Variants in TSPAN19 observed in about 807,000 individuals in gnomAD.
TSPAN19 encodes tetraspanin 19.
TSPAN19 carries 44 observed loss-of-function variants against 35.1 expected under a neutral mutation model. The ratio of observed to expected loss-of-function variants is 1.25; its 90% CI spans 0.98 to 1.61. The LOEUF (loss-of-function observed/expected upper bound fraction) is 1.61. TSPAN19 is among the 40% of genes most tolerant of loss of function. TSPAN19 has a pLI of 0.00. For missense variants in TSPAN19, 290 were observed against 280.0 expected (o/e 1.04, Z -0.26); for synonymous variants, 79 against 92.0 (o/e 0.86, Z 0.81).
intron 6 of TSPAN19, among the ~76,000 whole-genome samples, chr12:85,019,092 C>T (rs753784722): frequency 2.0e-5 from 3 of 151,774 alleles, no homozygotes; most frequent in Non-Finnish European, 4.4e-5. Context: ...TGCATTTATG[C>T]CCTGGATCCA....
At chr12:85,032,731 C>T (rs1217283790) in intron 1 of TSPAN19, among the ~76,000 whole-genome samples, 1 of 151,834 alleles carries the variant, frequency 6.6e-6, no homozygotes, top group Non-Finnish European at 1.5e-5. Context: ...CAAAGATACA[C>T]AGTAAGTTAA....
Position 85,029,777 on chromosome 12 carries a change from T to A in TSPAN19, c.81A>T (p.Leu27Phe), listed in dbSNP as rs1253647141. The change falls in exon 3 of 9, where the codon TTA (leucine) becomes TTT (phenylalanine). Residue 27 changes from leucine (L) to phenylalanine (F), a missense_variant. Physicochemically the swap from Leu to Phe is conservative, Grantham distance 22. Transcript: ENST00000532498. ...AGAGCCATGCACCAAATCCCATGAATAAAAGTCCAAGAACCTAAAAAAAGA... is the reference window on the plus strand; with the variant it reads ...AGAGCCATGCACCAAATCCCATGAAAAAAAGTCCAAGAACCTAAAAAAAGA... ...INGAFLVLGL[L>F]FMGFGAWLLL... The A allele has an allele frequency of 1.3e-6, 2 of 1,544,748 alleles. No individual in the cohort carries two copies. Among genetic ancestry groups the A allele is most frequent in the Non-Finnish European group, 1.7e-6 (2 of 1,145,374 alleles).
At chr12:85,015,256 G>A (rs1876730031) in intron 8 of TSPAN19, 1 of 151,842 alleles carries the variant, frequency 6.6e-6, no homozygotes, top group Admixed American at 6.6e-5. Flanking sequence ...ATTCTTAATA[G>A]TCTTCACTGA....
intron 5 of TSPAN19, among the ~76,000 whole-genome samples, chr12:85,020,601 C>T (rs1019795108): frequency 4.6e-5 from 7 of 151,942 alleles, no homozygotes; most frequent in African/African-American, 1.7e-4. Context: ...GCCTTTCTCC[C>T]ATGAGGCAGG....
chr12:85,023,721 C>T (rs1467063200), intron 4 of TSPAN19, among the ~76,000 whole-genome samples: 12 of 152,096 alleles, frequency 7.9e-5, no homozygotes, highest in Admixed American at 7.9e-4. Flanking sequence ...ATCTTCACCT[C>T]ACATTATTTT....
In TSPAN19 at chr12:85,015,897, T is replaced by TA. The variant is rs1182748356; in HGVS notation, c.668dup (p.Leu223PhefsTer42). On this transcript the variant is annotated frameshift_variant, in exon 8 of 9. Coordinates refer to ENST00000532498, the MANE Select transcript of TSPAN19 (RefSeq NM_001100917.2). LOFTEE classifies it high-confidence loss of function. ...ATGAACAAAAGCTTACCTCTGAAGTTAAAAGTCCAAAGTTAATTCCGATTA... is the reference window on the plus strand; with the variant it reads ...ATGAACAAAAGCTTACCTCTGAAGTTAAAAAGTCCAAAGTTAATTCCGATTA... 48 of 1,547,260 alleles carry TA rather than the reference T, an allele frequency of 3.1e-5. No homozygotes were observed. In the Admixed American group the frequency reaches 9.5e-4, roughly 31 times the overall value.
chr12:85,027,773 AT>A (rs770940329), intron 4 of TSPAN19, 125 bp downstream of exon 4: 31 of 954,740 alleles, frequency 3.2e-5, no homozygotes, highest in Non-Finnish European at 4.5e-5. Flanking sequence ...GGTGTGCTTC[AT>A]TTGAATTACT....
chr12:85,035,965 G>A (rs1176744965), intron 1 of TSPAN19, among the ~76,000 whole-genome samples: 2 of 151,452 alleles, frequency 1.3e-5, no homozygotes, highest in African/African-American at 4.9e-5. Context: ...TGTCATGGAA[G>A]GCAAACAACT....
At chr12:85,035,998 C>T (rs964935850) in intron 1 of TSPAN19, among the ~76,000 whole-genome samples, 1 of 151,948 alleles carries the variant, frequency 6.6e-6, no homozygotes, top group African/African-American at 2.4e-5. Flanking sequence ...TTCCATACTT[C>T]TATGTCCCAC....
chr12:85,032,884 G>C (rs1237310111), intron 1 of TSPAN19, among the ~76,000 whole-genome samples: 1 of 152,098 alleles, frequency 6.6e-6, no homozygotes, highest in African/African-American at 2.4e-5. Context: ...AATTGATGTT[G>C]AAAGCTCAAC....
At chr12:85,034,797 A>G (rs1877861315) in intron 1 of TSPAN19, among the ~76,000 whole-genome samples, 1 of 152,196 alleles carries the variant, frequency 6.6e-6, no homozygotes, top group Admixed American at 6.5e-5. Context: ...CTTTCTTCCA[A>G]AGTAAAAAAT....
At chr12:85,019,439 A>G (rs1876996134) in intron 6 of TSPAN19, among the ~76,000 whole-genome samples, 187 bp downstream of exon 6, 1 of 152,014 alleles carries the variant, frequency 6.6e-6, no homozygotes, top group Admixed American at 6.6e-5. Context: ...AAAAGAAGAT[A>G]GGAGTTACAA....
Position 85,019,366 on chromosome 12 carries a change from G to T in TSPAN19, c.450+260C>A, listed in dbSNP as rs548399203. Among the ~76,000 whole-genome samples, 4 of 151,900 alleles carry T rather than the reference G, an allele frequency of 2.6e-5. No individual in the cohort carries two copies. In the South Asian group the frequency reaches 6.2e-4, roughly 24 times the overall value. ...TGCAGCAGGATAGACTATCCCACTT[G>T]GCAAAAGACCAGCAGCACTTTTCCA... On this transcript the variant is annotated intron_variant, in intron 6 of 8. Coordinates refer to ENST00000532498, the MANE Select transcript of TSPAN19 (RefSeq NM_001100917.2).
At chr12:85,020,832 G>A (rs1406099587) in intron 5 of TSPAN19, among the ~76,000 whole-genome samples, 2 of 151,772 alleles carry the variant, frequency 1.3e-5, no homozygotes, top group East Asian at 3.9e-4. Context: ...TTTATTTTTT[G>A]GTCTTTATTT....
chr12:85,027,820 T>A (rs1877487548), intron 4 of TSPAN19, 79 bp downstream of exon 4: 2 of 1,369,814 alleles, frequency 1.5e-6, no homozygotes, highest in Non-Finnish European at 2.0e-6. Flanking sequence ...CATGCTAATA[T>A]AAATCAGTAT....
In TSPAN19 at chr12:85,014,518, T is replaced by G. The variant is rs769144038; in HGVS notation, c.716A>C (p.Asn239Thr). The G allele has an allele frequency of 2.5e-6, 4 of 1,605,244 alleles. No homozygotes were observed. In the Admixed American group the frequency reaches 6.8e-5, roughly 27 times the overall value. The change falls in exon 9 of 9, where the codon AAC becomes ACC. Residue 239 changes from asparagine to threonine, a missense_variant. Physicochemically the swap from Asn to Thr is moderately conservative, Grantham distance 65. Coordinates refer to ENST00000532498, the MANE Select transcript of TSPAN19 (RefSeq NM_001100917.2). ...TTCTGCATGGATTATATTCTTGATGTTTTTGAAGAAACAAACTGTTAATGA... is the reference window on the plus strand; with the variant it reads ...TTCTGCATGGATTATATTCTTGATGGTTTTGAAGAAACAAACTGTTAATGA... The part of the protein sequence containing the change: ...QVSLTVCFFK[N>T]IKNIIHAEM
intron 6 of TSPAN19, 94 bp downstream of exon 6, chr12:85,019,532 A>G: frequency 1.4e-6 from 1 of 714,900 alleles, no homozygotes; most frequent in Non-Finnish European, 2.4e-6. Flanking sequence ...ACAAACTTTC[A>G]TCCATCTGCC....
chr12:85,024,162 T>G (rs949662625), intron 4 of TSPAN19, among the ~76,000 whole-genome samples: 1 of 152,172 alleles, frequency 6.6e-6, no homozygotes, highest in Non-Finnish European at 1.5e-5. Flanking sequence ...GTTTATTGGT[T>G]CTAAAGATTG....
intron 4 of TSPAN19, among the ~76,000 whole-genome samples, chr12:85,026,023 C>T (rs1877393285): frequency 6.6e-6 from 1 of 152,106 alleles, no homozygotes; most frequent in Non-Finnish European, 1.5e-5. Flanking sequence ...GGTTCCAGGC[C>T]CTAATCTGTC....
Sources: gnomAD v4.1 joint callset for allele counts (sites outside exome capture counted in the v4.1 genomes callset) on GRCh38, gnomAD v4.1.1 for gene constraint, MANE v1.5 for transcripts, NCBI Gene and HGNC (gene_info 2026-07-23, HGNC 2026-07-21) for gene names.